PKHD1: variants seen among roughly 807,000 people sequenced by gnomAD.
PKHD1 encodes the protein fibrocystin.
A neutral mutation model predicts 412.0 loss-of-function variants in PKHD1; 291 were observed. The observed-to-expected ratio is 0.71, with a 90% CI of 0.64 to 0.78. The LOEUF (loss-of-function observed/expected upper bound fraction) is 0.78, where lower values mean the gene tolerates loss of function less well. PKHD1 is among the 30% of genes least tolerant of loss of function. The pLI, the probability that PKHD1 is intolerant of heterozygous loss-of-function variation, is 0.00. For synonymous variants in PKHD1, 1,777 were observed against 1,821.5 expected, an observed-to-expected ratio of 0.98 and a Z score of 0.62; for missense variants, 4,825 against 4,950.7, an observed-to-expected ratio of 0.97 and a Z score of 0.76.
At chr6:51,697,021 T>A (rs1285929178) in intron 60 of PKHD1, among the ~76,000 whole-genome samples, 1 of 152,022 alleles carries the variant, frequency 6.6e-6, no homozygotes, top group East Asian at 1.9e-4. Flanking sequence ...AAACCCCATC[T>A]CTACTAAAAA....
intron 60 of PKHD1, among the ~76,000 whole-genome samples, chr6:51,702,148 T>C (rs1160396634): frequency 6.8e-6 from 1 of 147,126 alleles, no homozygotes; most frequent in African/African-American, 2.5e-5. Context: ...ATACATATTA[T>C]TATATATTAT....
chr6:51,893,094 A>G (rs1562550093), intron 43 of PKHD1, among the ~76,000 whole-genome samples: 1 of 152,086 alleles, frequency 6.6e-6, no homozygotes, highest in East Asian at 1.9e-4. Context: ...CTTCTTAAAC[A>G]CCCACCTTGT....
At chr6:51,899,874 C>A (rs1780929571) in intron 43 of PKHD1, among the ~76,000 whole-genome samples, 1 of 152,086 alleles carries the variant, frequency 6.6e-6, no homozygotes, top group African/African-American at 2.4e-5. Context: ...ACACCAACAA[C>A]AGACAAACAG....
At chr6:51,992,641 T>A (rs902924487) in intron 35 of PKHD1, among the ~76,000 whole-genome samples, 1 of 152,190 alleles carries the variant, frequency 6.6e-6, no homozygotes, top group African/African-American at 2.4e-5. Flanking sequence ...GCTTTCTTAG[T>A]CTCCCCTCAG....
intron 36 of PKHD1, among the ~76,000 whole-genome samples, chr6:51,942,754 G>A (rs1291675096): frequency 6.6e-6 from 1 of 151,590 alleles, no homozygotes; most frequent in Non-Finnish European, 1.5e-5. Context: ...CTATGCTATA[G>A]TACAAGCCAC....
chr6:51,795,563 T>C (rs1794470940), intron 52 of PKHD1, among the ~76,000 whole-genome samples: 1 of 152,210 alleles, frequency 6.6e-6, no homozygotes, highest in Non-Finnish European at 1.5e-5. Context: ...TCCAATACTA[T>C]GTTGAATGGG....
intron 35 of PKHD1, among the ~76,000 whole-genome samples, chr6:51,964,392 C>A (rs1792503871): frequency 6.6e-6 from 1 of 152,112 alleles, no homozygotes. Flanking sequence ...ACCAAAATGT[C>A]TTCTTCCTCA....
At chr6:51,714,242 C>T (rs768241680) in intron 60 of PKHD1, among the ~76,000 whole-genome samples, 9 of 152,078 alleles carry the variant, frequency 5.9e-5, no homozygotes, top group East Asian at 5.8e-4. Context: ...TGGTGGCACA[C>T]GCCAGTAGTT....
rs548220728 is a variant in PKHD1 at position 51,870,676 on chromosome 6, A to G, written c.7351-37T>C. The G allele has an allele frequency of 3.3e-6, 5 of 1,532,604 alleles. No individual in the cohort carries two copies. The South Asian group carries it at 5.6e-5, about 17-fold the overall frequency. 94.9% of individuals were successfully genotyped at this position (1,532,604 alleles called of 1,614,324 possible). A position where few individuals can be genotyped will look rare whatever the true frequency, so the allele number is the denominator to read the frequency against. On this transcript the variant is annotated intron_variant, in intron 46 of 66. Transcript: ENST00000371117. The stretch of plus-strand genomic sequence containing the variant: ...AAGAAAAAAAGATGAAAGCAAAATA[A>G]GAAAACTGGACACATGAAATACAAT...
chr6:52,011,365 A>G, intron 34 of PKHD1, among the ~76,000 whole-genome samples: 1 of 152,230 alleles, frequency 6.6e-6, no homozygotes, highest in Non-Finnish European at 1.5e-5. Flanking sequence ...TTTGTCAACA[A>G]TTTCACATGT....
chr6:52,057,518 G>T (rs1354075382), intron 16 of PKHD1, among the ~76,000 whole-genome samples: 1 of 152,076 alleles, frequency 6.6e-6, no homozygotes, highest in East Asian at 1.9e-4. Context: ...CCTGGTTCAA[G>T]CAATTCTCCT....
intron 50 of PKHD1, among the ~76,000 whole-genome samples, chr6:51,847,135 A>AT (rs1562450970): frequency 6.6e-6 from 1 of 151,684 alleles, no homozygotes; most frequent in African/African-American, 2.4e-5. Flanking sequence ...AATTTATTTA[A>AT]TTTTTTGTAG....
chr6:51,853,091 G>C (rs1443982120), intron 49 of PKHD1, among the ~76,000 whole-genome samples: 1 of 152,078 alleles, frequency 6.6e-6, no homozygotes, highest in African/African-American at 2.4e-5. Flanking sequence ...AGCTCTTGCA[G>C]GGCAGGTCTG....
chr6:52,000,607 A>G (rs1798253398), intron 35 of PKHD1, among the ~76,000 whole-genome samples: 1 of 152,222 alleles, frequency 6.6e-6, no homozygotes, highest in East Asian at 1.9e-4. Context: ...ACATTTTCAC[A>G]GGGCTAATAA....
chr6:51,930,374 G>T (rs1057424337), intron 37 of PKHD1, among the ~76,000 whole-genome samples: 1 of 152,120 alleles, frequency 6.6e-6, no homozygotes, highest in South Asian at 2.1e-4. Flanking sequence ...AGATGGTGCT[G>T]TGTGTGGGTG....
intron 49 of PKHD1, 24 bp downstream of exon 49, chr6:51,855,869 C>A (rs899675578): frequency 6.4e-7 from 1 of 1,567,758 alleles, no homozygotes; most frequent in Non-Finnish European, 8.8e-7. Flanking sequence ...TGCAGCATAC[C>A]AACTAATGGA....
chr6:51,621,646 C>G (rs1766632856), intron 66 of PKHD1, among the ~76,000 whole-genome samples: 1 of 152,138 alleles, frequency 6.6e-6, no homozygotes, highest in African/African-American at 2.4e-5. Flanking sequence ...TACATGGCAG[C>G]TCCAATCAGC....
At chr6:51,680,889 TA>T (rs1409777942) in intron 60 of PKHD1, among the ~76,000 whole-genome samples, 5 of 150,936 alleles carry the variant, frequency 3.3e-5, no homozygotes, top group East Asian at 3.9e-4. Context: ...TAACTGAGGG[TA>T]AAAAAAAACA....
intron 53 of PKHD1, among the ~76,000 whole-genome samples, chr6:51,783,265 T>C (rs1376071751): frequency 6.6e-6 from 1 of 152,080 alleles, no homozygotes; most frequent in Non-Finnish European, 1.5e-5. Context: ...CATATCTTGT[T>C]GACTAGGGAT....
Sources: gnomAD v4.1 joint callset for allele counts (sites outside exome capture counted in the v4.1 genomes callset) on GRCh38, gnomAD v4.1.1 for gene constraint, MANE v1.5 for transcripts, NCBI Gene and HGNC (gene_info 2026-07-23, HGNC 2026-07-21) for gene names.